The following HK2 variants were observed in gnomAD, a reference collection of about 807,000 sequenced individuals.
The protein encoded by HK2 is hexokinase-2.
HK2 carries 42 observed loss-of-function variants against 92.9 expected under a neutral mutation model. The ratio of observed to expected loss-of-function variants is 0.45; its 90% confidence interval spans 0.35 to 0.58. HK2 has a LOEUF of 0.58. Ranked by LOEUF, HK2 falls within the 20% of genes least tolerant of loss-of-function variation. HK2 has a pLI of 0.00. For missense variants in HK2, 978 were observed against 1,245.1 expected, an observed-to-expected ratio of 0.79 and a Z score of 3.23; for synonymous variants, 422 against 468.0, an observed-to-expected ratio of 0.90 and a Z score of 1.27.
Position 74,873,896 on chromosome 2 carries a change from T to C in HK2, c.644T>C (p.Met215Thr). Residue 215 changes from methionine to threonine, a missense_variant, in exon 6 of 18, where the codon ATG (methionine) becomes ACG (threonine). Met to Thr is a moderately conservative substitution (Grantham distance 81). Around this residue, in one of 3 missense-constraint regions of HK2, gnomAD observed 189 missense variants for 289.5 expected, o/e 0.65. Coordinates refer to ENST00000290573, the MANE Select transcript of HK2 (RefSeq NM_000189.5). ...GTGAATGACACAGTTGGGACCATGA[T>C]GACCTGTGGTTATGATGACCACAAC... ...AVVNDTVGTMMTCGYDDHNCE... is the reference protein window; with the variant it reads ...AVVNDTVGTMTTCGYDDHNCE... The C allele has an allele frequency of 6.2e-7, 1 of 1,614,140 alleles. No individual in the cohort carries two copies. The highest frequency in any genetic ancestry group is 8.5e-7 in the Non-Finnish European group (1 of 1,180,002).
intron 9 of HK2, among the ~76,000 whole-genome samples, chr2:74,879,714 A>G (rs557631388): frequency 6.6e-6 from 1 of 152,352 alleles, no homozygotes; most frequent in Admixed American, 6.5e-5. Flanking sequence ...GCCACTACCC[A>G]GAGAGTTCCT....
chr2:74,847,207 A>G (rs1281794959), intron 1 of HK2, among the ~76,000 whole-genome samples: 3 of 152,216 alleles, frequency 2.0e-5, no homozygotes, highest in Non-Finnish European at 4.4e-5. Context: ...CTATGTGATC[A>G]CTTGAATTCA....
At position 74,874,340 on chromosome 2, in the gene HK2, T is replaced by G; in HGVS notation, c.766T>G (p.Cys256Gly). Residue 256 changes from cysteine to glycine, a missense_variant, in exon 7 of 18, where the codon TGT becomes GGT. Physicochemically the swap from Cys to Gly is radical, Grantham distance 159 (BLOSUM62 -3). This residue lies in a region of HK2 where 742 missense variants were observed against 922.5 expected (regional missense o/e 0.80). Coordinates refer to ENST00000290573, the MANE Select transcript of HK2 (RefSeq NM_000189.5). The part of the protein sequence containing the change: ...DMVEGDEGRM[C>G]INMEWGAFGD... Reference sequence around the variant, plus strand: ...GGTGGAAGGCGATGAGGGGCGGATGTGTATCAATATGGAGTGGGGGGCCTT... The same window carrying G: ...GGTGGAAGGCGATGAGGGGCGGATGGGTATCAATATGGAGTGGGGGGCCTT... 1 of 1,614,050 alleles carries G rather than the reference T, an allele frequency of 6.2e-7. No homozygotes were observed. The highest frequency in any genetic ancestry group is 8.5e-7 in the Non-Finnish European group (1 of 1,179,992).
intron 2 of HK2, among the ~76,000 whole-genome samples, chr2:74,859,735 T>G (rs932493318): frequency 6.6e-5 from 10 of 152,150 alleles, no homozygotes; most frequent in African/African-American, 2.4e-4. Context: ...GGAATGTAAA[T>G]AAGTACATCC....
intron 17 of HK2, 47 bp downstream of exon 17, chr2:74,889,525 T>C: frequency 1.6e-6 from 2 of 1,257,114 alleles, no homozygotes; most frequent in Non-Finnish European, 2.3e-6. Context: ...TTTCTGTCTT[T>C]GTTCTTTCCC....
intron 1 of HK2, among the ~76,000 whole-genome samples, chr2:74,854,070 A>G (rs1365761523): frequency 6.6e-6 from 1 of 151,828 alleles, no homozygotes; most frequent in Admixed American, 6.6e-5. Context: ...GGTATGCACC[A>G]GTTCTCCAAA....
intron 6 of HK2, 70 bp downstream of exon 6, chr2:74,874,013 GGGGCCCAT>G (rs2103961961): frequency 8.3e-7 from 1 of 1,197,808 alleles, no homozygotes; most frequent in African/African-American, 1.5e-5. Flanking sequence ...AAAGGGAGAA[GGGGCCCAT>G]GGGCTGGGTG....
intron 3 of HK2, 94 bp downstream of exon 3, chr2:74,867,878 AG>A: frequency 3.5e-6 from 5 of 1,435,452 alleles, no homozygotes; most frequent in Non-Finnish European, 4.9e-6. Context: ...GCGTGTGGAT[AG>A]GCAGTCACCC....
At chr2:74,837,692 T>C (rs1688200716) in intron 1 of HK2, among the ~76,000 whole-genome samples, 1 of 150,192 alleles carries the variant, frequency 6.7e-6, no homozygotes, top group Non-Finnish European at 1.5e-5. Flanking sequence ...TTTTTTTTTT[T>C]TTGAGACACA....
chr2:74,852,841 C>T (rs781635728), intron 1 of HK2, among the ~76,000 whole-genome samples: 15 of 152,186 alleles, frequency 9.9e-5, no homozygotes, highest in Non-Finnish European at 2.2e-4. Context: ...ACAGAGGCTG[C>T]ATTATCATTT....
chr2:74,882,012 T>C (rs1689407940), intron 11 of HK2, 108 bp from the exon 12 acceptor site: 1 of 1,434,488 alleles, frequency 7.0e-7, no homozygotes, highest in African/African-American at 1.4e-5. Context: ...TGCCTGAGCC[T>C]GCATTTCTTC....
rs28363001 is a variant in HK2 at position 74,872,197 on chromosome 2, T to G, written c.376-103T>G. On this transcript the variant is annotated intron_variant, in intron 3 of 17. Transcript: ENST00000290573. The stretch of plus-strand genomic sequence containing the variant: ...TGAAGATATCAGAGGAGATATGGGT[T>G]TTGCACACATTCAGCTAGTTACGTG... The G allele has an allele frequency of 5.0e-4, 587 of 1,179,202 alleles. 3 individuals carry two copies. The African/African-American group carries it at 8.1e-3, about 16-fold the overall frequency. 73.0% of individuals were successfully genotyped at this position (1,179,202 alleles called of 1,614,324 possible).
rs890543646 is a variant in HK2, at chr2:74,881,836, G to A, written c.1696G>A (p.Val566Ile). The A allele has an allele frequency of 1.2e-6, 2 of 1,614,218 alleles. No individual in the cohort carries two copies. Among genetic ancestry groups the A allele is most frequent in the Admixed American group, 3.3e-5 (2 of 60,028 alleles). ...CAAGATCTACGCCATCCCGCAGGAGGTCATGCACGGCACCGGGGACGAGGT... is the reference window on the plus strand; with the variant it reads ...CAAGATCTACGCCATCCCGCAGGAGATCATGCACGGCACCGGGGACGAGGT... ...HNKIYAIPQE[V>I]MHGTGDELFD... The change falls in exon 11 of 18, where the codon GTC becomes ATC. Residue 566 changes from valine to isoleucine, a missense_variant. Coordinates refer to ENST00000290573, the MANE Select transcript of HK2 (RefSeq NM_000189.5).
chr2:74,838,866 G>A (rs1688236927), intron 1 of HK2, among the ~76,000 whole-genome samples: 1 of 152,148 alleles, frequency 6.6e-6, no homozygotes, highest in Non-Finnish European at 1.5e-5. Flanking sequence ...AGATAAGTTA[G>A]TATACAAGAT....
At chr2:74,854,534 A>G (rs1419661342) in intron 2 of HK2, 79 bp downstream of exon 2, 21 of 1,538,370 alleles carry the variant, frequency 1.4e-5, no homozygotes, top group Non-Finnish European at 1.9e-5. Flanking sequence ...GACCCAAATA[A>G]CTCAAAAGCC....
Position 74,835,179 on chromosome 2 carries a change from G to A in HK2, c.63+536G>A, listed in dbSNP as rs1419150193. ...GCTCGAGGAGAAGCTGACCCGGGAA[G>A]GAGTAGGAAAGGGGCAGAGGAACTC... On this transcript the variant is annotated intron_variant, in intron 1 of 17. Coordinates refer to ENST00000290573, the MANE Select transcript of HK2 (RefSeq NM_000189.5). The A allele has an allele frequency of 1.6e-5, 3 of 182,606 alleles. No homozygotes were observed. The Admixed American group carries it at 1.7e-4, about 10-fold the overall frequency. 11.3% of individuals were successfully genotyped at this position (182,606 alleles called of 1,614,324 possible).
chr2:74,889,259 T>C lies in HK2; in HGVS notation c.2390T>C (p.Leu797Pro). The change falls in exon 17 of 18, where the codon CTG becomes CCG. Residue 797 changes from leucine to proline, a missense_variant. Around this residue, in one of 3 missense-constraint regions of HK2, gnomAD observed 742 missense variants for 922.5 expected, o/e 0.80. Coordinates refer to ENST00000290573, the MANE Select transcript of HK2 (RefSeq NM_000189.5). ...LSQIESDCLA[L>P]LQVRAILQHL... Reference sequence around the variant, plus strand: ...TCCCACCCCAGTGACTGCCTGGCCCTGCTGCAAGTCCGAGCCATCCTGCAA... The same window carrying C: ...TCCCACCCCAGTGACTGCCTGGCCCCGCTGCAAGTCCGAGCCATCCTGCAA... The C allele has an allele frequency of 6.2e-7, 1 of 1,613,974 alleles. No homozygotes were observed.
intron 3 of HK2, among the ~76,000 whole-genome samples, chr2:74,870,287 GGCAGGA>G (rs1689065637): frequency 1.3e-5 from 2 of 152,140 alleles, no homozygotes; most frequent in African/African-American, 4.8e-5. Context: ...TGGGATTACA[GGCAGGA>G]GCCACTGCGC....
intron 17 of HK2, among the ~76,000 whole-genome samples, chr2:74,890,341 T>C (rs1002918717): frequency 1.3e-5 from 2 of 152,228 alleles, no homozygotes; most frequent in Admixed American, 6.5e-5. Flanking sequence ...TCCGATGACA[T>C]TTTGGAGCAC....
Sources: gnomAD v4.1 joint callset for allele counts (sites outside exome capture counted in the v4.1 genomes callset) on GRCh38, gnomAD v4.1.1 for gene constraint, gnomAD v4.1.1 regional missense constraint, MANE v1.5 for transcripts, NCBI Gene and HGNC (gene_info 2026-07-23, HGNC 2026-07-21) for gene names.